The following DGKH variants were observed in gnomAD, a reference collection of about 807,000 sequenced individuals.
The protein encoded by DGKH is diacylglycerol kinase eta.
Under a neutral mutation model 159.3 loss-of-function variants are expected in DGKH, and 90 were observed. The observed-to-expected ratio is 0.57, with a 90% CI of 0.48 to 0.67. The LOEUF (loss-of-function observed/expected upper bound fraction) is 0.67, where lower values mean the gene tolerates loss of function less well. Among genes scored for constraint, DGKH ranks in the 30% least tolerant of loss-of-function variants. The pLI, the probability that DGKH is intolerant of heterozygous loss-of-function variation, is 0.00. For synonymous variants in DGKH, 536 were observed against 553.8 expected (o/e 0.97, Z 0.45); for missense variants, 1,181 against 1,506.1 (o/e 0.78, Z 3.57).
intron 1 of DGKH, among the ~76,000 whole-genome samples, chr13:42,102,998 T>A (rs1954680321): frequency 6.6e-6 from 1 of 152,144 alleles, no homozygotes; most frequent in African/African-American, 2.4e-5. Context: ...AATTAAGAAG[T>A]AAGTGAATAA....
At position 42,229,276 on chromosome 13, in the gene DGKH, C is replaced by A. The variant is rs904362497; in HGVS notation, c.*88C>A. ...AAGTGGCTGTTCTTGTAGTTTTCTG[C>A]ATAGATAAGTAAGCACCACTGAAGC... On this transcript the variant is annotated 3_prime_UTR_variant, in exon 30 of 30. Transcript: ENST00000337343. 4.1e-5 allele frequency: 49 copies of A among 1,188,950 alleles called. No individual in the cohort carries two copies. The highest frequency in any genetic ancestry group is 5.6e-5 in the Non-Finnish European group (47 of 834,336). The allele number at this position is 1,188,950 out of a possible 1,614,324, so 73.7% of individuals were successfully genotyped here. A position where few individuals can be genotyped will look rare whatever the true frequency, so the allele number is the denominator to read the frequency against.
Position 42,129,589 on chromosome 13 carries a change from G to A in DGKH, c.341G>A (p.Ser114Asn). 6.2e-7 allele frequency: 1 copy of A among 1,612,994 alleles called. No homozygotes were observed. Among genetic ancestry groups the A allele is most frequent in the Non-Finnish European group, 8.5e-7 (1 of 1,179,510 alleles). Residue 114 changes from serine to asparagine, a missense_variant, in exon 3 of 30, where the codon AGT becomes AAT. Physicochemically the swap from Ser to Asn is conservative, Grantham distance 46. Coordinates refer to ENST00000337343, the MANE Select transcript of DGKH (RefSeq NM_178009.5). ...IFDEVDLSDA[S>N]VAEASTKNAN... ...GATGAAGTTGACCTCTCAGATGCTA[G>A]TGTAGCTGAAGCAAGCACGAAAAAT...
intron 1 of DGKH, among the ~76,000 whole-genome samples, chr13:42,123,824 C>T (rs988342995): frequency 6.6e-6 from 1 of 152,148 alleles, no homozygotes; most frequent in Non-Finnish European, 1.5e-5. Context: ...ATTAAAGTGA[C>T]TGACTGAATG....
chr13:42,103,987 A>T (rs1167814929), intron 1 of DGKH, among the ~76,000 whole-genome samples: 2 of 152,218 alleles, frequency 1.3e-5, no homozygotes, highest in Non-Finnish European at 2.9e-5. Flanking sequence ...GCTGTGGCAA[A>T]TGTCAGAAAT....
intron 14 of DGKH, among the ~76,000 whole-genome samples, chr13:42,187,618 C>T (rs1201342432): frequency 2.6e-5 from 4 of 152,120 alleles, no homozygotes; most frequent in Non-Finnish European, 5.9e-5. Context: ...TCAGGTGATC[C>T]GTCCACCTCA....
chr13:42,215,329 A>G (rs1957762229), intron 25 of DGKH, among the ~76,000 whole-genome samples: 1 of 152,072 alleles, frequency 6.6e-6, no homozygotes, highest in African/African-American at 2.4e-5. Flanking sequence ...GCATATACAT[A>G]TTCATTAGGT....
upstream of DGKH, among the ~76,000 whole-genome samples, chr13:42,048,461 C>T (rs1880957924): frequency 6.6e-6 from 1 of 152,108 alleles, no homozygotes; most frequent in South Asian, 2.1e-4. The surrounding 1 kb of genome is among the most constrained non-coding windows in gnomAD (Gnocchi z 6.7). Context: ...ACCCTGTCAC[C>T]CCATCCTCTC....
chr13:42,168,519 G>A lies in DGKH; in HGVS notation c.1198G>A (p.Glu400Lys). The part of the protein sequence containing the change: ...GDGSVGWVLS[E>K]IDKLNLNKQC... ...TGGAAGTGTAGGTTGGGTTTTGTCA[G>A]AAATCGATAAGCTCAACTTGAATAA... Residue 400 changes from glutamate to lysine, a missense_variant, in exon 10 of 30, where the codon GAA becomes AAA. Coordinates refer to ENST00000337343, the MANE Select transcript of DGKH (RefSeq NM_178009.5). 6.2e-7 allele frequency: 1 copy of A among 1,614,134 alleles called. No individual in the cohort carries two copies. The highest frequency in any genetic ancestry group is 8.5e-7 in the Non-Finnish European group (1 of 1,179,996).
intron 1 of DGKH, among the ~76,000 whole-genome samples, chr13:42,093,064 T>A (rs1954451177): frequency 6.6e-6 from 1 of 151,932 alleles, no homozygotes. Flanking sequence ...GGCAACATGG[T>A]GAAGCCCTAT....
At chr13:42,065,892 A>G (rs1481533689) in intron 1 of DGKH, among the ~76,000 whole-genome samples, 1 of 152,134 alleles carries the variant, frequency 6.6e-6, no homozygotes, top group Non-Finnish European at 1.5e-5. Flanking sequence ...GATATATAAA[A>G]CATTAAAATT....
chr13:42,110,785 A>AT (rs1344016059), intron 1 of DGKH, among the ~76,000 whole-genome samples: 2 of 152,246 alleles, frequency 1.3e-5, no homozygotes, highest in Non-Finnish European at 2.9e-5. Context: ...AGTTCATTAT[A>AT]TTTTATGAAA....
chr13:42,166,245 C>T (rs533956056), intron 8 of DGKH, among the ~76,000 whole-genome samples: 2 of 152,124 alleles, frequency 1.3e-5, no homozygotes, highest in South Asian at 4.1e-4. Flanking sequence ...CCAACCTAAG[C>T]CCTGATTTTG....
chr13:42,218,263 A>T (rs949761124), intron 26 of DGKH, among the ~76,000 whole-genome samples: 5 of 152,178 alleles, frequency 3.3e-5, no homozygotes, highest in Non-Finnish European at 7.3e-5. Flanking sequence ...GTTAATGCAG[A>T]TAATAGGTGA....
Position 42,217,384 on chromosome 13 carries a change from C to T in DGKH, c.3213+1717C>T, listed in dbSNP as rs529927284. Among the ~76,000 whole-genome samples the T allele has an allele frequency of 3.4e-3, 514 of 152,112 alleles. 1 individual carries two copies. The highest frequency in any genetic ancestry group is 5.6e-3 in the Non-Finnish European group (383 of 67,988). On this transcript the variant is annotated intron_variant, in intron 26 of 29. Coordinates refer to ENST00000337343, the MANE Select transcript of DGKH (RefSeq NM_178009.5). ...GCTGCCAAGTAGCTGGGACTACAAT[C>T]GCGCACCACCATGCCTGGCAATTTT...
intron 18 of DGKH, among the ~76,000 whole-genome samples, chr13:42,199,167 T>C (rs1268217249): frequency 6.6e-6 from 1 of 152,206 alleles, no homozygotes; most frequent in African/African-American, 2.4e-5. Context: ...TAAATATTTG[T>C]CCATTGTTAA....
At chr13:42,156,142 TG>T (rs1956038887) in intron 5 of DGKH, among the ~76,000 whole-genome samples, 1 of 152,252 alleles carries the variant, frequency 6.6e-6, no homozygotes, top group Non-Finnish European at 1.5e-5. Context: ...TATATTGCAT[TG>T]TTTTAAATAT....
chr13:42,227,472 G>A (rs1184661290), intron 29 of DGKH, among the ~76,000 whole-genome samples: 5 of 152,154 alleles, frequency 3.3e-5, no homozygotes, highest in Non-Finnish European at 5.9e-5. Context: ...TTTTCACAAA[G>A]TGTAAAGATA....
At chr13:42,091,045 A>G (rs1954407954) in intron 1 of DGKH, among the ~76,000 whole-genome samples, 1 of 152,182 alleles carries the variant, frequency 6.6e-6, no homozygotes. Flanking sequence ...AACTGTGAGA[A>G]ATACATTTCT....
chr13:42,154,063 A>C (rs1003326350), intron 3 of DGKH: 3 of 152,228 alleles, frequency 2.0e-5, no homozygotes, highest in Non-Finnish European at 2.9e-5. Context: ...CTTATTTTCT[A>C]AGATGAATAG....
Sources: gnomAD v4.1 joint callset for allele counts (sites outside exome capture counted in the v4.1 genomes callset) on GRCh38, gnomAD v4.1.1 for gene constraint, Gnocchi (gnomAD v3.1) non-coding constraint, MANE v1.5 for transcripts, NCBI Gene and HGNC (gene_info 2026-07-23, HGNC 2026-07-21) for gene names.